The following PDGFD variants were observed in gnomAD, a reference collection of about 807,000 sequenced individuals.
PDGFD encodes platelet derived growth factor D.
In PDGFD, 30 loss-of-function variants were observed where a neutral mutation model predicts 44.7. The ratio of observed to expected loss-of-function variants is 0.67; its 90% CI spans 0.50 to 0.91. The LOEUF (loss-of-function observed/expected upper bound fraction) is 0.91, where lower values mean the gene tolerates loss of function less well. Ranked by LOEUF, PDGFD falls within the 40% of genes least tolerant of loss-of-function variation. The pLI is 0.00. For missense variants in PDGFD, 445 were observed against 457.8 expected, an observed-to-expected ratio of 0.97 and a Z score of 0.25; for synonymous variants, 173 against 168.4, an observed-to-expected ratio of 1.03 and a Z score of -0.21.
chr11:104,039,993 A>T (rs1224524138), intron 1 of PDGFD, among the ~76,000 whole-genome samples: 1 of 152,122 alleles, frequency 6.6e-6, no homozygotes, highest in Non-Finnish European at 1.5e-5. Context: ...CTTCTGAGGT[A>T]GCTATAATGT....
At chr11:104,052,785 C>G (rs1006389936) in intron 1 of PDGFD, among the ~76,000 whole-genome samples, 1 of 152,170 alleles carries the variant, frequency 6.6e-6, no homozygotes, top group Non-Finnish European at 1.5e-5. Flanking sequence ...TTTTGCATAA[C>G]ATTTCCTGAG....
At chr11:103,940,759 C>T (rs1250636023) in intron 5 of PDGFD, among the ~76,000 whole-genome samples, 1 of 151,938 alleles carries the variant, frequency 6.6e-6, no homozygotes, top group South Asian at 2.1e-4. Context: ...TGGTGACTTG[C>T]CAGGGTTAAA....
At chr11:103,985,557 A>G (rs1006310744) in intron 3 of PDGFD, among the ~76,000 whole-genome samples, 2 of 151,756 alleles carry the variant, frequency 1.3e-5, no homozygotes, top group Non-Finnish European at 2.9e-5. Flanking sequence ...AGAGGGCTTG[A>G]ATTCTTAAGG....
intron 1 of PDGFD, among the ~76,000 whole-genome samples, chr11:104,094,661 C>A (rs1591160602): frequency 6.6e-6 from 1 of 152,072 alleles, no homozygotes; most frequent in Non-Finnish European, 1.5e-5. Flanking sequence ...TATAACTATA[C>A]ACGTATATAC....
At chr11:104,087,195 A>ATTTTTT (rs33989914) in intron 1 of PDGFD, among the ~76,000 whole-genome samples, 8 of 129,104 alleles carry the variant, frequency 6.2e-5, no homozygotes, top group Admixed American at 1.6e-4. Context: ...CAACTGGCTA[A>ATTTTTT]TTTTTTTTTT....
At chr11:104,162,331 T>G (rs959726254) in intron 1 of PDGFD, among the ~76,000 whole-genome samples, 1 of 152,100 alleles carries the variant, frequency 6.6e-6, no homozygotes, top group Non-Finnish European at 1.5e-5. Flanking sequence ...TTTTACTCTA[T>G]GTAGCTAAAA....
chr11:103,950,883 T>A (rs1858746484), intron 3 of PDGFD, among the ~76,000 whole-genome samples: 1 of 152,216 alleles, frequency 6.6e-6, no homozygotes, highest in South Asian at 2.1e-4. Context: ...AGATTTCATA[T>A]CTATCCTTAG....
intron 5 of PDGFD, among the ~76,000 whole-genome samples, chr11:103,935,610 A>T (rs10791654): frequency 0.57 from 86,632 of 152,046 alleles, 27,034 homozygotes; most frequent in African/African-American, 0.84. Flanking sequence ...TAATTAAATA[A>T]GACAATATTT....
intron 6 of PDGFD, among the ~76,000 whole-genome samples, chr11:103,910,318 A>G (rs751095355): frequency 5.9e-5 from 9 of 152,230 alleles, no homozygotes; most frequent in Admixed American, 3.9e-4. Flanking sequence ...AGATGGCCGA[A>G]CAGGAACAGC....
intron 1 of PDGFD, among the ~76,000 whole-genome samples, chr11:104,144,160 GCAA>G (rs1268409864): frequency 6.6e-6 from 1 of 152,060 alleles, no homozygotes; most frequent in Non-Finnish European, 1.5e-5. Flanking sequence ...AAAATAAAAA[GCAA>G]CAACAAGAAA....
chr11:104,105,765 CAA>C (rs1430676273), intron 1 of PDGFD, among the ~76,000 whole-genome samples: 2 of 151,692 alleles, frequency 1.3e-5, no homozygotes, highest in Non-Finnish European at 2.9e-5. Context: ...GGAAGAAGTA[CAA>C]AAACTGCCAT....
In PDGFD at chr11:104,037,130, G is replaced by C. The variant is rs115094910; in HGVS notation, c.125-36875C>G. On this transcript the variant is annotated intron_variant, in intron 1 of 6. Coordinates refer to ENST00000393158, the MANE Select transcript of PDGFD (RefSeq NM_025208.5). ...GACTTCAGTGGCATTGCGGTGCCTG[G>C]GACGTCCAGCTCCCGTCCACAGCAC... 3,054 of 1,613,828 alleles carry C rather than the reference G, an allele frequency of 1.9e-3. 44 individuals are homozygous for C. In the East Asian group the frequency reaches 0.025, roughly 13 times the overall value.
At chr11:103,942,602 C>G (rs551452424) in intron 5 of PDGFD, among the ~76,000 whole-genome samples, 1 of 152,062 alleles carries the variant, frequency 6.6e-6, no homozygotes, top group Non-Finnish European at 1.5e-5. Context: ...TGCCTTGAGA[C>G]ATTTATATCT....
At chr11:104,066,936 C>T (rs1176313361) in intron 1 of PDGFD, among the ~76,000 whole-genome samples, 2 of 152,164 alleles carry the variant, frequency 1.3e-5, no homozygotes, top group Non-Finnish European at 2.9e-5. Flanking sequence ...CACCCTAAGT[C>T]ATATATTTCA....
At chr11:104,134,795 G>A (rs955510149) in intron 1 of PDGFD, among the ~76,000 whole-genome samples, 1 of 152,196 alleles carries the variant, frequency 6.6e-6, no homozygotes, top group African/African-American at 2.4e-5. Context: ...CTACCCTCCT[G>A]AAAAACCCTG....
chr11:104,079,674 A>G (rs1469677913), intron 1 of PDGFD, among the ~76,000 whole-genome samples: 2 of 152,176 alleles, frequency 1.3e-5, no homozygotes, highest in Non-Finnish European at 2.9e-5. Context: ...GGCGTGAGCC[A>G]CCGCGCCTGG....
chr11:104,102,813 C>T (rs975571389), intron 1 of PDGFD, among the ~76,000 whole-genome samples: 16 of 152,016 alleles, frequency 1.1e-4, no homozygotes, highest in Non-Finnish European at 2.4e-4. Context: ...TCATTCTCAG[C>T]AAACTACTGC....
intron 1 of PDGFD, among the ~76,000 whole-genome samples, chr11:104,080,429 T>C (rs1861028993): frequency 1.3e-5 from 2 of 152,134 alleles, no homozygotes. Flanking sequence ...AGAAAACAAA[T>C]AGATTATGGT....
At chr11:104,138,226 T>C (rs1040178924) in intron 1 of PDGFD, among the ~76,000 whole-genome samples, 1 of 152,134 alleles carries the variant, frequency 6.6e-6, no homozygotes, top group East Asian at 1.9e-4. Context: ...ACTTATTAAA[T>C]AGAGAAAAAA....
Sources: allele counts gnomAD v4.1 joint callset (sites outside exome capture counted in the v4.1 genomes callset), GRCh38; gene constraint gnomAD v4.1.1; transcripts MANE v1.5; gene names NCBI Gene and HGNC (gene_info 2026-07-23, HGNC 2026-07-21).